PCNX4: variants seen among roughly 807,000 people sequenced by gnomAD.
The protein encoded by PCNX4 is pecanex 4.
In PCNX4, 103 loss-of-function variants were observed where a neutral mutation model predicts 107.2. The observed-to-expected ratio is 0.96, with a 90% CI of 0.82 to 1.13. PCNX4 has a LOEUF of 1.13. Ranked by LOEUF, PCNX4 falls within the 50% of genes most tolerant of loss-of-function variation. The pLI, the probability that PCNX4 is intolerant of heterozygous loss-of-function variation, is 0.00. For missense variants in PCNX4, 1,528 were observed against 1,379.4 expected (o/e 1.11, Z -1.71); for synonymous variants, 541 against 481.7 (o/e 1.12, Z -1.61).
intron 10 of PCNX4, among the ~76,000 whole-genome samples, chr14:60,129,365 G>A (rs1896113818): frequency 6.6e-6 from 1 of 152,058 alleles, no homozygotes; most frequent in South Asian, 2.1e-4. Context: ...ACCAGTCCGG[G>A]CAACATAGCA....
intron 2 of PCNX4, chr14:60,108,900 C>G (rs373551204): frequency 1.8e-5 from 3 of 166,010 alleles, no homozygotes; most frequent in African/African-American, 7.3e-5. Flanking sequence ...TTTCTTTCTC[C>G]GTCTCCGTAG....
chr14:60,123,419 C>G (rs963768391), intron 8 of PCNX4, among the ~76,000 whole-genome samples: 1 of 152,050 alleles, frequency 6.6e-6, no homozygotes, highest in Non-Finnish European at 1.5e-5. Context: ...GTGACCTGCT[C>G]AAGTTCTTGC....
In PCNX4 at chr14:60,145,312, A is replaced by G. The variant is rs185332823; in HGVS notation, c.*11091A>G. The G allele has an allele frequency of 5.3e-3, 1,161 of 217,192 alleles. 10 individuals are homozygous for G. Among genetic ancestry groups the G allele is most frequent in the African/African-American group, 0.024 (1,071 of 43,746 alleles). 13.5% of individuals were successfully genotyped at this position (217,192 alleles called of 1,614,324 possible). A position where few individuals can be genotyped will look rare whatever the true frequency, so the allele number is the denominator to read the frequency against. ...TTCTGGATCAGCATATCATACCTACACTGACTTGCCCTAATAAATAAAAAC... is the reference window on the plus strand; with the variant it reads ...TTCTGGATCAGCATATCATACCTACGCTGACTTGCCCTAATAAATAAAAAC... On this transcript the variant is annotated 3_prime_UTR_variant, in exon 11 of 11. Coordinates refer to ENST00000406854, the MANE Select transcript of PCNX4 (RefSeq NM_001330177.2). The surrounding 1 kb of genome is among the most constrained non-coding windows in gnomAD (Gnocchi z 4.0).
intron 1 of PCNX4, among the ~76,000 whole-genome samples, chr14:60,104,596 C>A (rs1425789737): frequency 6.6e-6 from 1 of 152,170 alleles, no homozygotes; most frequent in East Asian, 1.9e-4. Context: ...AATGTACTCA[C>A]AATTTCTCAT....
At chr14:60,113,174 C>T (rs1035856466) in intron 2 of PCNX4, among the ~76,000 whole-genome samples, 24 of 152,000 alleles carry the variant, frequency 1.6e-4, no homozygotes, top group African/African-American at 5.1e-4. Flanking sequence ...AGCGAGACTC[C>T]GTCTCAAAAA....
At chr14:60,110,465 A>G (rs568404800) in intron 2 of PCNX4, 8 of 167,250 alleles carry the variant, frequency 4.8e-5, no homozygotes, top group African/African-American at 1.7e-4. Context: ...TGGGCAGAGT[A>G]TGGAACCAAA....
intron 1 of PCNX4, among the ~76,000 whole-genome samples, chr14:60,095,199 G>A (rs1236237162): frequency 6.6e-6 from 1 of 152,206 alleles, no homozygotes; most frequent in Non-Finnish European, 1.5e-5. Context: ...CATGTAAGAG[G>A]TGGGTAGGGG....
chr14:60,092,449 G>C (rs1368319306), intron 1 of PCNX4, 30 bp downstream of exon 1: 3 of 152,248 alleles, frequency 2.0e-5, no homozygotes, highest in African/African-American at 7.2e-5. Context: ...TCCACCTCGG[G>C]ACTTCTTCGG....
intron 4 of PCNX4, 109 bp from the exon 5 acceptor site, chr14:60,115,610 A>C (rs577478416): frequency 8.3e-5 from 111 of 1,334,844 alleles, no homozygotes; most frequent in Non-Finnish European, 1.1e-4. Flanking sequence ...TTGGCTTTTT[A>C]GTTCATCGCT....
Position 60,137,369 on chromosome 14 carries a change from A to AC in PCNX4, c.*3152dup, listed in dbSNP as rs1896252069. 1 of 152,172 alleles carries AC rather than the reference A, an allele frequency of 6.6e-6. No homozygotes were observed. Among genetic ancestry groups the AC allele is most frequent in the African/African-American group, 2.4e-5 (1 of 41,432 alleles). The allele number at this position is 152,172 out of a possible 1,614,324, so 9.4% of individuals were successfully genotyped here. On this transcript the variant is annotated 3_prime_UTR_variant, in exon 11 of 11. Transcript: ENST00000406854. Reference sequence around the variant, plus strand: ...TTAACTGACCATACATTGGGTTGTGACCCCAAGGACCATATCCAAATTGTA... The same window carrying AC: ...TTAACTGACCATACATTGGGTTGTGACCCCCAAGGACCATATCCAAATTGTA...
rs117316309 is a variant in PCNX4, at chr14:60,097,933, C to A, written c.-54+5514C>A. 3.3e-3 allele frequency among the ~76,000 whole-genome samples: 505 copies of A among 152,300 alleles called. 16 individuals are homozygous for A. In the East Asian group the frequency reaches 0.056, roughly 17 times the overall value. ...GTCAGCAGGAAGTAGCCAGAAAGAA[C>A]ACACTGCCCCTCGTCATTTTTATAA... On this transcript the variant is annotated intron_variant, in intron 1 of 10. Coordinates refer to ENST00000406854, the MANE Select transcript of PCNX4 (RefSeq NM_001330177.2).
In PCNX4 at chr14:60,121,245, A is replaced by C. The variant is rs1292745966; in HGVS notation, c.1992A>C (p.Leu664Phe). ...ACTTGGGCCGTTTTCAGGATCGTTT[A>C]ATGTGGATAATGATTCTGGAATGTG... ...SHYLGRFQDR[L>F]MWIMILECGY... The change falls in exon 8 of 11, where the codon TTA becomes TTC. Residue 664 changes from leucine to phenylalanine, a missense_variant. Physicochemically the swap from Leu to Phe is conservative, Grantham distance 22. Transcript: ENST00000406854. 5 of 1,581,460 alleles carry C rather than the reference A, an allele frequency of 3.2e-6. No homozygotes were observed. In the South Asian group the frequency reaches 5.5e-5, roughly 17 times the overall value.
intron 7 of PCNX4, 93 bp downstream of exon 7, chr14:60,118,785 T>C: frequency 7.4e-7 from 1 of 1,342,298 alleles, no homozygotes. Context: ...TATCCAACCA[T>C]AAGATAGCAT....
At position 60,118,587 on chromosome 14, in the gene PCNX4, G is replaced by A. The variant is rs1251061343; in HGVS notation, c.1837G>A (p.Ala613Thr). 2 of 1,613,660 alleles carry A rather than the reference G, an allele frequency of 1.2e-6. No homozygotes were observed. The highest frequency in any genetic ancestry group is 8.5e-7 in the Non-Finnish European group (1 of 1,179,838). Residue 613 changes from alanine (A) to threonine (T), a missense_variant, in exon 7 of 11, where the codon GCA (alanine) becomes ACA (threonine). Physicochemically the swap from Ala to Thr is moderately conservative, Grantham distance 58. Coordinates refer to ENST00000406854, the MANE Select transcript of PCNX4 (RefSeq NM_001330177.2). Reference protein sequence around the residue: ...FPRPIQSWPGAAGTTACVCAD... With the variant: ...FPRPIQSWPGTAGTTACVCAD... ...CCGACCTATTCAGAGTTGGCCAGGA[G>A]CAGCAGGCACCACAGCCTGTGTGTG...
At chr14:60,120,965 T>G (rs1222898735) in intron 7 of PCNX4, among the ~76,000 whole-genome samples, 1 of 151,988 alleles carries the variant, frequency 6.6e-6, no homozygotes, top group Non-Finnish European at 1.5e-5. Flanking sequence ...AATCCTTGAG[T>G]TTTTATGTAG....
chr14:60,117,453 A>G (rs545684216), intron 6 of PCNX4, among the ~76,000 whole-genome samples: 3 of 152,350 alleles, frequency 2.0e-5, no homozygotes, highest in African/African-American at 4.8e-5. Flanking sequence ...GTAGTAGGCT[A>G]TACCACCTAG....
chr14:60,124,151 A>C (rs1896003298), intron 8 of PCNX4, 67 bp from the exon 9 acceptor site: 1 of 1,259,394 alleles, frequency 7.9e-7, no homozygotes, highest in Non-Finnish European at 1.1e-6. Context: ...GGGCATTTAC[A>C]TGACTAGTTG....
chr14:60,099,893 A>C (rs534420502), intron 1 of PCNX4, among the ~76,000 whole-genome samples: 30 of 151,862 alleles, frequency 2.0e-4, no homozygotes, highest in Non-Finnish European at 3.8e-4. Flanking sequence ...GTGAAACACT[A>C]TCTCTACTGG....
chr14:60,136,670 T>A lies in PCNX4; in HGVS notation c.*2449T>A, dbSNP rs1236054577. The stretch of plus-strand genomic sequence containing the variant: ...CCCACCGCTGCTTACAGGCTGGGCG[T>A]ACTTATAGGCATGGGTGAGAGGGGT... On this transcript the variant is annotated 3_prime_UTR_variant, in exon 11 of 11. Coordinates refer to ENST00000406854, the MANE Select transcript of PCNX4 (RefSeq NM_001330177.2). 1 of 152,424 alleles carries A rather than the reference T, an allele frequency of 6.6e-6. No individual in the cohort carries two copies. 9.4% of individuals were successfully genotyped at this position (152,424 alleles called of 1,614,324 possible).
Sources: gnomAD v4.1 joint callset for allele counts (sites outside exome capture counted in the v4.1 genomes callset) on GRCh38, gnomAD v4.1.1 for gene constraint, Gnocchi (gnomAD v3.1) non-coding constraint, MANE v1.5 for transcripts, NCBI Gene and HGNC (gene_info 2026-07-23, HGNC 2026-07-21) for gene names.